Variants in ANGPT2 observed in about 807,000 individuals in gnomAD.
The protein encoded by ANGPT2 is angiopoietin-2.
Under a neutral mutation model 62.9 loss-of-function variants are expected in ANGPT2, and 28 were observed. The ratio of observed to expected loss-of-function variants is 0.44; its 90% CI spans 0.33 to 0.61. The LOEUF is 0.61. ANGPT2 is among the 20% of genes least tolerant of loss of function. The pLI, the probability that ANGPT2 is intolerant of heterozygous loss-of-function variation, is 0.03. For synonymous variants in ANGPT2, 284 were observed against 207.8 expected, an observed-to-expected ratio of 1.37 and a Z score of -3.15; for missense variants, 727 against 594.9, an observed-to-expected ratio of 1.22 and a Z score of -2.31.
At chr8:6,549,521 T>C (rs1000463482) in intron 1 of ANGPT2, among the ~76,000 whole-genome samples, 5 of 151,812 alleles carry the variant, frequency 3.3e-5, no homozygotes, top group Non-Finnish European at 7.4e-5. Context: ...AGCTGGGCAG[T>C]CATTACACAG....
chr8:6,558,061 T>C (rs891600346), intron 1 of ANGPT2, among the ~76,000 whole-genome samples: 1 of 152,212 alleles, frequency 6.6e-6, no homozygotes, highest in African/African-American at 2.4e-5. Flanking sequence ...CCTCAGTCTT[T>C]CAAATTTTGC....
chr8:6,511,981 C>T (rs928127481), intron 7 of ANGPT2, among the ~76,000 whole-genome samples: 3 of 150,916 alleles, frequency 2.0e-5, no homozygotes, highest in African/African-American at 7.3e-5. Context: ...AGGTAAAACA[C>T]TGACCAACCA....
chr8:6,500,601 A>G lies in ANGPT2; in HGVS notation c.*2500T>C, dbSNP rs1206111095. ...GTAGGCCATATGACTAAAACATAAC[A>G]AGGAGTTGAACTGTGCTCCCTGATC... On this transcript the variant is annotated 3_prime_UTR_variant, in exon 9 of 9. Transcript: ENST00000629816. The G allele has an allele frequency of 6.6e-6, 1 of 152,542 alleles. No individual in the cohort carries two copies. Among genetic ancestry groups the G allele is most frequent in the African/African-American group, 2.4e-5 (1 of 41,438 alleles). 9.4% of individuals were successfully genotyped at this position (152,542 alleles called of 1,614,324 possible).
At chr8:6,534,855 A>T (rs1820212124) in intron 1 of ANGPT2, among the ~76,000 whole-genome samples, 1 of 152,162 alleles carries the variant, frequency 6.6e-6, no homozygotes, top group Non-Finnish European at 1.5e-5. Context: ...GATTGAAATA[A>T]ACTATTTAAA....
At chr8:6,508,840 C>T (rs770081719) in intron 8 of ANGPT2, 92 bp downstream of exon 8, 43 of 1,563,070 alleles carry the variant, frequency 2.8e-5, no homozygotes, top group Non-Finnish European at 3.6e-5. Flanking sequence ...GACATCGTTA[C>T]AAATCACAAT....
At position 6,521,182 on chromosome 8, in the gene ANGPT2, T is replaced by C. The variant is rs374102781; in HGVS notation, c.795A>G (p.Ser265=). 10 of 1,611,956 alleles carry C rather than the reference T, an allele frequency of 6.2e-6. No individual in the cohort carries two copies. Among genetic ancestry groups the C allele is most frequent in the Non-Finnish European group, 8.5e-6 (10 of 1,178,356 alleles). ...AAGCATGATATGTAAACTTACAGTT[T>C]GATGTGGACATCATAGTCAGTAAGT... ...VNNLLTMMST[S]NSKDPTVAKE... is the part of the protein sequence containing the mutation. Residue 265 remains serine, a synonymous_variant, in exon 4 of 9, where the codon TCA becomes TCG. Transcript: ENST00000629816.
chr8:6,549,208 A>C (rs1258180832), intron 1 of ANGPT2, among the ~76,000 whole-genome samples: 1 of 152,242 alleles, frequency 6.6e-6, no homozygotes, highest in Non-Finnish European at 1.5e-5. Context: ...ATAAAAGAAC[A>C]CAAATGTCAA....
At chr8:6,517,865 G>A (rs544048452) in intron 5 of ANGPT2, among the ~76,000 whole-genome samples, 5 of 152,336 alleles carry the variant, frequency 3.3e-5, no homozygotes, top group African/African-American at 1.2e-4. Flanking sequence ...GTCTGGAAGG[G>A]AATTTAGAAG....
In ANGPT2 at chr8:6,501,224, C is replaced by CTACATA. The variant is rs1001431444; in HGVS notation, c.*1876_*1877insTATGTA. On this transcript the variant is annotated 3_prime_UTR_variant, in exon 9 of 9. Transcript: ENST00000629816. ...ATTGACTCCAAATATGTAGCAACAC[C>CTACATA]TGTGTGTTCTAAAACTACGTCAAGT... The CTACATA allele has an allele frequency of 2.6e-5, 4 of 152,142 alleles. No individual in the cohort carries two copies. Among genetic ancestry groups the CTACATA allele is most frequent in the African/African-American group, 7.2e-5 (3 of 41,428 alleles). 9.4% of individuals were successfully genotyped at this position (152,142 alleles called of 1,614,324 possible).
intron 8 of ANGPT2, among the ~76,000 whole-genome samples, chr8:6,505,724 A>G (rs1174538484): frequency 7.5e-6 from 1 of 134,152 alleles, no homozygotes; most frequent in Non-Finnish European, 1.5e-5. Context: ...TATATTCTAT[A>G]TATATTCTAT....
rs59299448 is a variant in ANGPT2 at position 6,559,230 on chromosome 8, A to AACACACACACACACACACAC, written c.288+3397_288+3416dup. Among the ~76,000 whole-genome samples, 540 of 146,822 alleles carry AACACACACACACACACACAC rather than the reference A, an allele frequency of 3.7e-3. 8 individuals carry two copies. The highest frequency in any genetic ancestry group is 0.022 in the Admixed American group (328 of 14,700). The stretch of plus-strand genomic sequence containing the variant: ...TGAGTGTTTTGTAGCCACACACGAC[A>AACACACACACACACACACAC]ACACACACACACACACACACACACA... On this transcript the variant is annotated intron_variant, in intron 1 of 8. Transcript: ENST00000629816.
chr8:6,522,509 C>G (rs992213503), intron 3 of ANGPT2, among the ~76,000 whole-genome samples: 1 of 152,104 alleles, frequency 6.6e-6, no homozygotes, highest in African/African-American at 2.4e-5. Context: ...CTCAGTGGCT[C>G]ACACCTATAA....
chr8:6,500,406 T>G lies in ANGPT2; in HGVS notation c.*2695A>C, dbSNP rs1811928145. 1 of 157,250 alleles carries G rather than the reference T, an allele frequency of 6.4e-6. No individual in the cohort carries two copies. Among genetic ancestry groups the G allele is most frequent in the Admixed American group, 6.2e-5 (1 of 16,076 alleles). 9.7% of individuals were successfully genotyped at this position (157,250 alleles called of 1,614,324 possible). A position where few individuals can be genotyped will look rare whatever the true frequency, so the allele number is the denominator to read the frequency against. On this transcript the variant is annotated 3_prime_UTR_variant, in exon 9 of 9. Transcript: ENST00000629816. ...TCTAATTTTTTTTAAGATTAAGTAA[T>G]AATTAAGTGGATAATTTAAAGTTTG... is the stretch of plus-strand genomic sequence containing the variant.
intron 8 of ANGPT2, among the ~76,000 whole-genome samples, chr8:6,504,115 G>A (rs897140049): frequency 2.7e-4 from 41 of 151,952 alleles, no homozygotes; most frequent in African/African-American, 6.0e-4. Context: ...TCAGGAGACC[G>A]AGACCATCCT....
intron 5 of ANGPT2, among the ~76,000 whole-genome samples, chr8:6,517,452 C>T (rs1034440550): frequency 2.6e-5 from 4 of 152,222 alleles, no homozygotes; most frequent in African/African-American, 9.6e-5. Context: ...CTTGCAGTCT[C>T]TCTCTCGTAG....
At chr8:6,530,417 G>T (rs2922885) in intron 2 of ANGPT2, among the ~76,000 whole-genome samples, 12,578 of 150,152 alleles carry the variant, frequency 0.084, 545 homozygotes, top group African/African-American at 0.12. Context: ...GCTAAGGCAC[G>T]AGAATCGCTT....
chr8:6,505,338 G>T lies in ANGPT2; in HGVS notation c.1328-2077C>A, dbSNP rs1435480123. ...TATATATGTTATATACATATAGAAA[G>T]AATATATATATTCTTTCTATATGTA... On this transcript the variant is annotated intron_variant, in intron 8 of 8. Coordinates refer to ENST00000629816, the MANE Select transcript of ANGPT2 (RefSeq NM_001118887.2). 2.9e-3 allele frequency among the ~76,000 whole-genome samples: 94 copies of T among 32,840 alleles called. 3 individuals carry two copies. The highest frequency in any genetic ancestry group is 0.015 in the Admixed American group (50 of 3,268). 21.5% of individuals were successfully genotyped at this position (32,840 alleles called of 152,430 possible). A position where few individuals can be genotyped will look rare whatever the true frequency, so the allele number is the denominator to read the frequency against.
At chr8:6,518,042 A>G (rs1385762430) in intron 5 of ANGPT2, among the ~76,000 whole-genome samples, 2 of 152,062 alleles carry the variant, frequency 1.3e-5, no homozygotes, top group African/African-American at 2.4e-5. Context: ...AGAGTACTAT[A>G]TATTTTCATC....
Position 6,562,623 on chromosome 8 carries a change from AAGAC to A in ANGPT2, c.288+20_288+23del. The A allele has an allele frequency of 7.2e-7, 1 of 1,389,742 alleles. No homozygotes were observed. The highest frequency in any genetic ancestry group is 9.6e-7 in the Non-Finnish European group (1 of 1,043,644). The allele number at this position is 1,389,742 out of a possible 1,614,324, so 86.1% of individuals were successfully genotyped here. Reference sequence around the variant, plus strand: ...AGCTGATCTTAATAGCATGTTCACAAAGACAGATGGATTTTTTTCCTACCTTCAT... The same window carrying A: ...AGCTGATCTTAATAGCATGTTCACAAAGATGGATTTTTTTCCTACCTTCAT... On this transcript the variant is annotated intron_variant, in intron 1 of 8. Transcript: ENST00000629816.
Sources: gnomAD v4.1 joint callset for allele counts (sites outside exome capture counted in the v4.1 genomes callset) on GRCh38, gnomAD v4.1.1 for gene constraint, MANE v1.5 for transcripts, NCBI Gene and HGNC (gene_info 2026-07-23, HGNC 2026-07-21) for gene names.